PARD3B: variants seen among roughly 807,000 people sequenced by gnomAD.
PARD3B encodes partitioning defective 3 homolog B.
Under a neutral mutation model 130.2 loss-of-function variants are expected in PARD3B, and 103 were observed. The observed-to-expected ratio is 0.79, with a 90% confidence interval of 0.67 to 0.93. The LOEUF (loss-of-function observed/expected upper bound fraction) is 0.93, where lower values mean the gene tolerates loss of function less well. PARD3B is among the 40% of genes least tolerant of loss of function. PARD3B has a pLI of 0.00. For missense variants in PARD3B, 1,609 were observed against 1,499.2 expected (o/e 1.07, Z -1.21); for synonymous variants, 583 against 553.2 (o/e 1.05, Z -0.76).
At chr2:204,638,404 CA>C (rs1393622103) in intron 1 of PARD3B, among the ~76,000 whole-genome samples, 1 of 152,124 alleles carries the variant, frequency 6.6e-6, no homozygotes, top group Admixed American at 6.5e-5. Flanking sequence ...TGGTCATGTG[CA>C]GTTAAAGAAC....
intron 18 of PARD3B, among the ~76,000 whole-genome samples, chr2:205,382,046 A>G (rs2045470066): frequency 6.6e-6 from 1 of 152,094 alleles, no homozygotes; most frequent in Non-Finnish European, 1.5e-5. Flanking sequence ...TAACGATGGT[A>G]CAGAGGACCA....
chr2:205,066,287 T>C (rs1700371390), intron 4 of PARD3B, among the ~76,000 whole-genome samples: 1 of 152,196 alleles, frequency 6.6e-6, no homozygotes, highest in South Asian at 2.1e-4. Flanking sequence ...TTTGGTCGCA[T>C]GGTTAACATC....
chr2:205,081,082 T>C (rs1701378042), intron 4 of PARD3B, among the ~76,000 whole-genome samples: 1 of 152,068 alleles, frequency 6.6e-6, no homozygotes, highest in Non-Finnish European at 1.5e-5. Context: ...CTTGCTCTTT[T>C]CACTCTCTAT....
intron 21 of PARD3B, among the ~76,000 whole-genome samples, chr2:205,539,778 A>T (rs1355072079): frequency 6.6e-6 from 1 of 152,102 alleles, no homozygotes; most frequent in Non-Finnish European, 1.5e-5. Flanking sequence ...CACAGAGCAA[A>T]CGTGTTCTGC....
chr2:204,907,858 C>T lies in PARD3B; in HGVS notation c.223-57294C>T, dbSNP rs1311648257. ...CTGGGACTACAGGTGTGTGGTAGCA[C>T]GCCCAGCTGATTTTTGTATTTTTTG... On this transcript the variant is annotated intron_variant, in intron 2 of 22. Transcript: ENST00000406610. This position sits in a 1 kb window ranked among gnomAD's most constrained non-coding sequence, Gnocchi z 5.7. 5.3e-5 allele frequency among the ~76,000 whole-genome samples: 8 copies of T among 151,972 alleles called. No homozygotes were observed. The highest frequency in any genetic ancestry group is 1.3e-4 in the Admixed American group (2 of 15,256).
intron 22 of PARD3B, among the ~76,000 whole-genome samples, chr2:205,578,894 T>C (rs1162314565): frequency 1.3e-5 from 2 of 152,198 alleles, no homozygotes. Flanking sequence ...GTAAGGGCCG[T>C]CTCTTAACCT....
rs144418673 is a variant in PARD3B at position 204,611,290 on chromosome 2, T to A, written c.120+65171T>A. Among the ~76,000 whole-genome samples the A allele has an allele frequency of 7.1e-3, 1,087 of 152,256 alleles. 8 individuals are homozygous for A. The highest frequency in any genetic ancestry group is 0.024 in the African/African-American group (1,016 of 41,538). On this transcript the variant is annotated intron_variant, in intron 1 of 22. Transcript: ENST00000406610. ...CCTTGTAGCCCTCTATGGTACTTAC[T>A]TAGAAACATCCTATTAAAATTTGCT...
intron 18 of PARD3B, among the ~76,000 whole-genome samples, chr2:205,381,717 A>T (rs1178982628): frequency 6.6e-6 from 1 of 152,030 alleles, no homozygotes; most frequent in African/African-American, 2.4e-5. Context: ...GTATTGGTAG[A>T]CAATTAAATT....
intron 2 of PARD3B, among the ~76,000 whole-genome samples, chr2:204,706,679 G>T (rs1241757570): frequency 6.6e-6 from 1 of 152,082 alleles, no homozygotes; most frequent in Non-Finnish European, 1.5e-5. Flanking sequence ...TAAAAGAAAG[G>T]CCATCTGAAA....
At chr2:205,190,614 C>T (rs2036343244) in intron 14 of PARD3B, among the ~76,000 whole-genome samples, 2 of 152,186 alleles carry the variant, frequency 1.3e-5, no homozygotes, top group African/African-American at 4.8e-5. Flanking sequence ...TTGCCCCTGG[C>T]CAGCTGTGTG....
At chr2:205,200,258 A>G (rs576095940) in intron 15 of PARD3B, among the ~76,000 whole-genome samples, 3 of 152,302 alleles carry the variant, frequency 2.0e-5, no homozygotes, top group Admixed American at 6.5e-5. Flanking sequence ...ATACCATAAA[A>G]CGACATCTTT....
chr2:205,166,050 A>G (rs2034796795), intron 11 of PARD3B, among the ~76,000 whole-genome samples: 1 of 152,190 alleles, frequency 6.6e-6, no homozygotes, highest in South Asian at 2.1e-4. Context: ...TAACACCAGG[A>G]CCAAAACACC....
rs756434777 is a variant in PARD3B at position 205,142,189 on chromosome 2, T to C, written c.1434+16452T>C. On this transcript the variant is annotated intron_variant, in intron 10 of 22. Coordinates refer to ENST00000406610, the MANE Select transcript of PARD3B (RefSeq NM_001302769.2). This position sits in a 1 kb window ranked among gnomAD's most constrained non-coding sequence, Gnocchi z 4.3. ...AGGTGACAATTAAGATGGGATTTGA[T>C]AGGTAAGAGTTTGCTAGTGGGTGGC... Among the ~76,000 whole-genome samples, 16 of 152,148 alleles carry C rather than the reference T, an allele frequency of 1.1e-4. No individual in the cohort carries two copies. The highest frequency in any genetic ancestry group is 4.1e-4 in the South Asian group (2 of 4,824).
chr2:205,016,786 C>G (rs1696181429), intron 3 of PARD3B, among the ~76,000 whole-genome samples: 1 of 152,098 alleles, frequency 6.6e-6, no homozygotes, highest in African/African-American at 2.4e-5. Context: ...AAATTCCTTC[C>G]TACTCAACTG....
At position 205,352,254 on chromosome 2, in the gene PARD3B, GA is replaced by G. The variant is rs1196955952; in HGVS notation, c.2631-48751del. On this transcript the variant is annotated intron_variant, in intron 18 of 22. Transcript: ENST00000406610. This position sits in a 1 kb window ranked among gnomAD's most constrained non-coding sequence, Gnocchi z 5.2. ...ATATTTAAACCATGTGTGAAGGAGG[GA>G]AAAAAAACATAGTAGAGCTTTTCTT... Among the ~76,000 whole-genome samples, 3 of 151,664 alleles carry G rather than the reference GA, an allele frequency of 2.0e-5. No homozygotes were observed. The highest frequency in any genetic ancestry group is 2.9e-5 in the Non-Finnish European group (2 of 67,828).
chr2:204,862,320 C>T (rs975135871), intron 2 of PARD3B, among the ~76,000 whole-genome samples: 21 of 152,146 alleles, frequency 1.4e-4, no homozygotes, highest in African/African-American at 4.3e-4. Flanking sequence ...CCTGGACCTT[C>T]GTTATCTCAC....
chr2:204,876,345 T>C (rs1248319665), intron 2 of PARD3B, among the ~76,000 whole-genome samples: 1 of 152,228 alleles, frequency 6.6e-6, no homozygotes, highest in Non-Finnish European at 1.5e-5. Flanking sequence ...TGCAAATATT[T>C]TCTTAAAGTT....
At chr2:204,732,037 T>G (rs1437652891) in intron 2 of PARD3B, among the ~76,000 whole-genome samples, 1 of 152,138 alleles carries the variant, frequency 6.6e-6, no homozygotes, top group African/African-American at 2.4e-5. Flanking sequence ...GTCTACGAAT[T>G]TAGCCATAAC....
At chr2:204,863,973 A>T (rs1460242161) in intron 2 of PARD3B, among the ~76,000 whole-genome samples, 1 of 152,222 alleles carries the variant, frequency 6.6e-6, no homozygotes, top group Non-Finnish European at 1.5e-5. Flanking sequence ...TAATTCCAAA[A>T]AAAAGTTTAA....
Sources: gnomAD v4.1 joint callset for allele counts (sites outside exome capture counted in the v4.1 genomes callset) on GRCh38, gnomAD v4.1.1 for gene constraint, Gnocchi (gnomAD v3.1) non-coding constraint, MANE v1.5 for transcripts, NCBI Gene and HGNC (gene_info 2026-07-23, HGNC 2026-07-21) for gene names.